Variants in ZNF892 observed in about 807,000 individuals in gnomAD.
ZNF892 encodes zinc finger protein 892.
At chr2:95,224,737 A>G in the ZNF892 span, among the ~76,000 whole-genome samples, 1 of 152,212 alleles carries the variant, frequency 6.6e-6, no homozygotes, top group Non-Finnish European at 1.5e-5. Context: ...CCTAAAGTTC[A>G]TGTGTTGGCA....
the ZNF892 span, among the ~76,000 whole-genome samples, chr2:95,223,619 T>A: frequency 6.6e-6 from 1 of 152,164 alleles, no homozygotes; most frequent in Non-Finnish European, 1.5e-5. Flanking sequence ...CAGGCTGGTC[T>A]TGAAATCATG....
At chr2:95,227,116 CCCTCCCTCCCTTCCTTCCTTCCTT>C in the ZNF892 span, among the ~76,000 whole-genome samples, 5 of 133,268 alleles carry the variant, frequency 3.8e-5, no homozygotes, top group South Asian at 2.9e-4. Flanking sequence ...TCCCCTCCCT[CCCTCCCTCCCTTCCTTCCTTCCTT>C]CCTCCCTCCC....
chr2:95,214,777 C>G, the ZNF892 span: 1 of 457,254 alleles, frequency 2.2e-6, no homozygotes, highest in Non-Finnish European at 4.0e-6. Flanking sequence ...GGAGAAAAAC[C>G]CTATGAATGT....
the ZNF892 span, among the ~76,000 whole-genome samples, chr2:95,210,189 ATG>A: frequency 6.8e-6 from 1 of 146,976 alleles, no homozygotes; most frequent in African/African-American, 2.5e-5. Context: ...ATATATGTAT[ATG>A]TGTATATATG....
the ZNF892 span, among the ~76,000 whole-genome samples, chr2:95,246,936 G>A: frequency 2.0e-5 from 3 of 152,140 alleles, no homozygotes; most frequent in Non-Finnish European, 4.4e-5. Flanking sequence ...ACTGCCCAAA[G>A]TAATTTATAG....
At chr2:95,235,805 A>C in the ZNF892 span, among the ~76,000 whole-genome samples, 1 of 152,200 alleles carries the variant, frequency 6.6e-6, no homozygotes, top group Admixed American at 6.5e-5. Flanking sequence ...TTTACTTTTT[A>C]ATGACTCCAA....
chr2:95,249,995 A>T, the ZNF892 span, among the ~76,000 whole-genome samples: 1 of 152,170 alleles, frequency 6.6e-6, no homozygotes, highest in Non-Finnish European at 1.5e-5. Flanking sequence ...TATGTCACTT[A>T]ATTTACTTGC....
chr2:95,234,357 C>T, the ZNF892 span, among the ~76,000 whole-genome samples: 4 of 152,368 alleles, frequency 2.6e-5, no homozygotes, highest in East Asian at 5.8e-4. Context: ...ATCCCTCTTT[C>T]ACCTGCCCAA....
chr2:95,236,997 G>C, the ZNF892 span, among the ~76,000 whole-genome samples: 1 of 152,150 alleles, frequency 6.6e-6, no homozygotes, highest in African/African-American at 2.4e-5. Context: ...ACAAATGGAA[G>C]GTTTGTGGCC....
chr2:95,244,688 A>G, the ZNF892 span, among the ~76,000 whole-genome samples: 1 of 152,206 alleles, frequency 6.6e-6, no homozygotes, highest in East Asian at 1.9e-4. Flanking sequence ...GATCAAGTGG[A>G]CTTGATAGAT....
the ZNF892 span, among the ~76,000 whole-genome samples, chr2:95,252,459 C>A: frequency 6.6e-6 from 1 of 152,060 alleles, no homozygotes; most frequent in Non-Finnish European, 1.5e-5. Flanking sequence ...TGTATATGTG[C>A]CACATTTTCT....
chr2:95,242,602 C>T, the ZNF892 span, among the ~76,000 whole-genome samples: 1 of 152,150 alleles, frequency 6.6e-6, no homozygotes, highest in African/African-American at 2.4e-5. Flanking sequence ...GCAATATAAC[C>T]AGCTAGCATC....
At chr2:95,262,108 A>G in the ZNF892 span, among the ~76,000 whole-genome samples, 1 of 152,226 alleles carries the variant, frequency 6.6e-6, no homozygotes, top group Non-Finnish European at 1.5e-5. Context: ...TTTCTTCAGT[A>G]CTATGTCATT....
chr2:95,227,124 C>CCCTT, the ZNF892 span, among the ~76,000 whole-genome samples: 282 of 140,928 alleles, frequency 2.0e-3, no homozygotes, highest in Non-Finnish European at 3.1e-3. Context: ...CTCCCTCCCT[C>CCCTT]CCTTCCTTCC....
the ZNF892 span, among the ~76,000 whole-genome samples, chr2:95,231,472 G>T: frequency 5.9e-5 from 9 of 152,116 alleles, no homozygotes; most frequent in African/African-American, 2.2e-4. Context: ...GCATACAACT[G>T]TGTATCTGTT....
chr2:95,259,166 G>A, the ZNF892 span: 1 of 152,316 alleles, frequency 6.6e-6, no homozygotes, highest in Non-Finnish European at 1.5e-5. Context: ...TTTGTCTCCT[G>A]TTTTCCGGGA....
chr2:95,238,017 T>C, the ZNF892 span, among the ~76,000 whole-genome samples: 2 of 152,216 alleles, frequency 1.3e-5, no homozygotes, highest in Non-Finnish European at 2.9e-5. Context: ...AAGTGCAAGA[T>C]GAAAGCAGCC....
At chr2:95,212,803 T>C in the ZNF892 span, among the ~76,000 whole-genome samples, 1 of 152,244 alleles carries the variant, frequency 6.6e-6, no homozygotes, top group African/African-American at 2.4e-5. Flanking sequence ...TTGTGTTCTC[T>C]GTGACTTAAA....
chr2:95,216,779 C>T, the ZNF892 span, among the ~76,000 whole-genome samples: 16 of 152,192 alleles, frequency 1.1e-4, no homozygotes, highest in Admixed American at 7.9e-4. Flanking sequence ...AGGTTTATGT[C>T]TTTTGCCAAA....
Sources: gnomAD v4.1 joint callset for allele counts (sites outside exome capture counted in the v4.1 genomes callset) on GRCh38, gnomAD v4.1.1 for gene constraint, MANE v1.5 for transcripts, NCBI Gene and HGNC (gene_info 2026-07-23, HGNC 2026-07-21) for gene names.